The following CCDC7 variants were observed in gnomAD, a reference collection of about 807,000 sequenced individuals.
The protein encoded by CCDC7 is coiled-coil domain containing 7, also known as coiled-coil domain-containing protein 7.
CCDC7 carries 183 observed loss-of-function variants against 196.9 expected under a neutral mutation model. The observed-to-expected ratio is 0.93, with a 90% CI of 0.82 to 1.05. The LOEUF (loss-of-function observed/expected upper bound fraction) is 1.05, where lower values mean the gene tolerates loss of function less well. Ranked by LOEUF, CCDC7 falls within the 50% of genes least tolerant of loss-of-function variation. CCDC7 has a pLI of 0.00. For synonymous variants in CCDC7, 525 were observed against 484.6 expected (o/e 1.08, Z -1.10); for missense variants, 1,540 against 1,482.2 (o/e 1.04, Z -0.64).
chr10:32,484,425 A>G (rs1347596292), intron 8 of CCDC7, among the ~76,000 whole-genome samples: 1 of 152,204 alleles, frequency 6.6e-6, no homozygotes, highest in Non-Finnish European at 1.5e-5. Flanking sequence ...CTAAATATAC[A>G]GTCATGTCAT....
chr10:32,569,030 T>C (rs1205473155), intron 15 of CCDC7, among the ~76,000 whole-genome samples: 1 of 152,224 alleles, frequency 6.6e-6, no homozygotes, highest in East Asian at 1.9e-4. Flanking sequence ...AAAAGTTAAA[T>C]AGTAAAATGA....
intron 13 of CCDC7, among the ~76,000 whole-genome samples, chr10:32,549,364 G>T (rs2053081407): frequency 6.6e-6 from 1 of 152,096 alleles, no homozygotes; most frequent in Non-Finnish European, 1.5e-5. Context: ...TCTGTGGGTT[G>T]TCTGATTACT....
intron 24 of CCDC7, among the ~76,000 whole-genome samples, chr10:32,702,303 G>T (rs2078897194): frequency 6.6e-6 from 1 of 152,174 alleles, no homozygotes; most frequent in African/African-American, 2.4e-5. Context: ...GGAGTGGGTT[G>T]TTCAGTTTCC....
At chr10:32,678,045 G>C (rs1359167058) in intron 21 of CCDC7, among the ~76,000 whole-genome samples, 1 of 151,966 alleles carries the variant, frequency 6.6e-6, no homozygotes, top group African/African-American at 2.4e-5. Context: ...CTCTGTTCCA[G>C]ACTTTCTGTT....
chr10:32,712,386 C>T (rs4749750), intron 25 of CCDC7, among the ~76,000 whole-genome samples: 21,069 of 152,140 alleles, frequency 0.14, 1,767 homozygotes, highest in East Asian at 0.25. Context: ...ATAGCCTTTA[C>T]GGATTACACC....
intron 13 of CCDC7, among the ~76,000 whole-genome samples, chr10:32,563,480 C>G: frequency 6.6e-6 from 1 of 152,136 alleles, no homozygotes; most frequent in Non-Finnish European, 1.5e-5. Flanking sequence ...GAACAGAGTC[C>G]TCAGAAATAA....
At chr10:32,603,482 A>C (rs1490811602) in intron 18 of CCDC7, among the ~76,000 whole-genome samples, 1 of 151,766 alleles carries the variant, frequency 6.6e-6, no homozygotes, top group African/African-American at 2.4e-5. Flanking sequence ...GGATTGCTGG[A>C]TCATATTGTA....
chr10:32,462,657 G>A (rs1050556776), intron 3 of CCDC7, 26 bp from the exon 5 acceptor site: 9 of 1,390,410 alleles, frequency 6.5e-6, no homozygotes, highest in African/African-American at 1.5e-5. Flanking sequence ...AATTTTAAAT[G>A]TGTTAATTAA....
At chr10:32,464,433 A>G (rs2036332699) in intron 5 of CCDC7, among the ~76,000 whole-genome samples, 1 of 152,046 alleles carries the variant, frequency 6.6e-6, no homozygotes, top group African/African-American at 2.4e-5. Context: ...TCTTTCTTAT[A>G]CATATGACTA....
chr10:32,610,193 C>T (rs746242748), intron 18 of CCDC7, among the ~76,000 whole-genome samples: 44 of 152,136 alleles, frequency 2.9e-4, no homozygotes, highest in Non-Finnish European at 5.9e-4. Flanking sequence ...CAAGCTCTGC[C>T]TCCCAGGTTC....
chr10:32,778,925 C>A, intron 28 of CCDC7, 52 bp from the exon 30 acceptor site: 1 of 1,386,648 alleles, frequency 7.2e-7, no homozygotes, highest in Non-Finnish European at 1.0e-6. Flanking sequence ...AGGTGTTTCA[C>A]AAAATGTTAG....
At chr10:32,604,734 G>A (rs2061398668) in intron 18 of CCDC7, among the ~76,000 whole-genome samples, 1 of 151,448 alleles carries the variant, frequency 6.6e-6, no homozygotes, top group African/African-American at 2.4e-5. Flanking sequence ...GTTCTTTAAT[G>A]TTGTATAGAA....
chr10:32,669,896 A>G (rs1449048618), intron 21 of CCDC7, among the ~76,000 whole-genome samples: 2 of 152,176 alleles, frequency 1.3e-5, no homozygotes, highest in Admixed American at 6.6e-5. Context: ...GTATTGTTAT[A>G]CGTGAATTCT....
chr10:32,851,965 T>A (rs748206949), intron 40 of CCDC7, 33 bp downstream of exon 41: 2 of 1,552,642 alleles, frequency 1.3e-6, no homozygotes, highest in South Asian at 2.5e-5. Context: ...TACAGTGTGA[T>A]TTTTAAAATA....
At chr10:32,637,758 T>C (rs922072358) in intron 20 of CCDC7, among the ~76,000 whole-genome samples, 12 of 152,220 alleles carry the variant, frequency 7.9e-5, no homozygotes, top group African/African-American at 2.4e-5. Flanking sequence ...TTTTTCCAAT[T>C]CTGTGAAGAA....
intron 29 of CCDC7, among the ~76,000 whole-genome samples, chr10:32,802,588 G>A (rs949830743): frequency 6.6e-6 from 1 of 152,188 alleles, no homozygotes; most frequent in Admixed American, 6.5e-5. Context: ...AGACAAAAGG[G>A]AGTTTATTAA....
At chr10:32,652,687 A>T (rs1394924653) in intron 20 of CCDC7, among the ~76,000 whole-genome samples, 1 of 152,198 alleles carries the variant, frequency 6.6e-6, no homozygotes, top group Admixed American at 6.5e-5. Flanking sequence ...CAAAACTAAA[A>T]AAAACTTTAT....
chr10:32,843,444 C>T (rs1276849273), intron 33 of CCDC7, among the ~76,000 whole-genome samples: 1 of 151,966 alleles, frequency 6.6e-6, no homozygotes, highest in Non-Finnish European at 1.5e-5. Context: ...GTCAGAGCTA[C>T]ACAAATATGT....
chr10:32,600,602 A>G (rs1417488587), intron 18 of CCDC7, among the ~76,000 whole-genome samples: 1 of 152,102 alleles, frequency 6.6e-6, no homozygotes, highest in Non-Finnish European at 1.5e-5. Flanking sequence ...CTTAATTTTA[A>G]TAGCCTAGAG....
Sources: gnomAD v4.1 joint callset for allele counts (sites outside exome capture counted in the v4.1 genomes callset) on GRCh38, gnomAD v4.1.1 for gene constraint, MANE v1.5 for transcripts, NCBI Gene and HGNC (gene_info 2026-07-23, HGNC 2026-07-21) for gene names.